Variants in DMXL1 observed in about 807,000 individuals in gnomAD.
DMXL1 encodes Dmx like 1.
A neutral mutation model predicts 319.2 loss-of-function variants in DMXL1; 99 were observed. The ratio of observed to expected loss-of-function variants is 0.31; its 90% CI spans 0.26 to 0.37. DMXL1 has a LOEUF of 0.37. Ranked by LOEUF, DMXL1 falls within the 10% of genes least tolerant of loss-of-function variation. The pLI, the probability that DMXL1 is intolerant of heterozygous loss-of-function variation, is 1.00. For synonymous variants in DMXL1, 1,385 were observed against 1,235.2 expected (o/e 1.12, Z -2.54); for missense variants, 3,745 against 3,595.6 (o/e 1.04, Z -1.06).
At chr5:119,210,752 C>CT (rs1782622185) in intron 34 of DMXL1, among the ~76,000 whole-genome samples, 1 of 90,312 alleles carries the variant, frequency 1.1e-5, no homozygotes. Flanking sequence ...TTTCTTTTTT[C>CT]TTTCGTTTTT....
chr5:119,170,925 C>G lies in DMXL1; in HGVS notation c.6134C>G (p.Ser2045Cys). The change falls in exon 24 of 44, where the codon TCT becomes TGT. Residue 2045 changes from serine to cysteine, a missense_variant. This residue lies in a region of DMXL1 where 1,382 missense variants were observed against 1,269.5 expected (regional missense o/e 1.09). Transcript: ENST00000539542. ...KILTVELRTL[S>C]TGYEIDGGKL... ...CTCACAGTAGAACTTCGTACTTTATCTACTGGCTATGAAATAGATGGTGGA... is the reference window on the plus strand; with the variant it reads ...CTCACAGTAGAACTTCGTACTTTATGTACTGGCTATGAAATAGATGGTGGA... The G allele has an allele frequency of 3.7e-6, 6 of 1,613,392 alleles. No homozygotes were observed. The highest frequency in any genetic ancestry group is 5.1e-6 in the Non-Finnish European group (6 of 1,179,828).
At position 119,149,217 on chromosome 5, in the gene DMXL1, G is replaced by T. The variant is rs772337438; in HGVS notation, c.3390G>T (p.Glu1130Asp). ...NKQDMYLSSKENITSNTKHLV... is the reference protein window; with the variant it reads ...NKQDMYLSSKDNITSNTKHLV... ...AAGACATGTATTTATCTAGTAAAGA[G>T]AATATCACATCAAACACAAAGCATT... The change falls in exon 18 of 44, where the codon GAG becomes GAT. Residue 1130 changes from glutamate (E) to aspartate (D), a missense_variant. Around this residue, in one of 4 missense-constraint regions of DMXL1, gnomAD observed 2,096 missense variants for 1,985.4 expected, o/e 1.06. Transcript: ENST00000539542. 3 of 1,613,902 alleles carry T rather than the reference G, an allele frequency of 1.9e-6. No homozygotes were observed. The highest frequency in any genetic ancestry group is 2.5e-6 in the Non-Finnish European group (3 of 1,179,888).
At chr5:119,231,528 CTG>C (rs1207918279) in intron 38 of DMXL1, among the ~76,000 whole-genome samples, 3 of 152,202 alleles carry the variant, frequency 2.0e-5, no homozygotes, top group African/African-American at 7.2e-5. Flanking sequence ...CAGGAGGTAA[CTG>C]TGCCTGGTTA....
At chr5:119,238,765 C>A in intron 40 of DMXL1, 1 of 401,802 alleles carries the variant, frequency 2.5e-6, no homozygotes, top group Non-Finnish European at 3.4e-6. Context: ...GAAGTAGAGG[C>A]AAAACAAATG....
chr5:119,224,010 TG>T (rs1785099800), intron 37 of DMXL1, among the ~76,000 whole-genome samples: 1 of 152,144 alleles, frequency 6.6e-6, no homozygotes, highest in African/African-American at 2.4e-5. Flanking sequence ...GGAGTATAAC[TG>T]CATCAATATA....
At chr5:119,216,838 C>T (rs1783781772) in intron 34 of DMXL1, 63 bp from the exon 35 acceptor site, 2 of 822,140 alleles carry the variant, frequency 2.4e-6, no homozygotes, top group Non-Finnish European at 4.1e-6. Flanking sequence ...GATAGATTGG[C>T]ATATATTATT....
intron 9 of DMXL1, 54 bp from the exon 10 acceptor site, chr5:119,129,157 G>A (rs752806416): frequency 1.7e-5 from 18 of 1,089,888 alleles, no homozygotes; most frequent in Admixed American, 7.4e-5. Flanking sequence ...AAACATGGAT[G>A]TTTCATATGC....
In DMXL1 at chr5:119,116,342, T is replaced by G. The variant is rs375485624; in HGVS notation, c.743+6T>G. 2.5e-6 allele frequency: 4 copies of G among 1,611,116 alleles called. No homozygotes were observed. The African/African-American group carries it at 5.3e-5, about 22-fold the overall frequency. On this transcript the variant is annotated splice_donor_region_variant and intron_variant, in intron 7 of 43. Transcript: ENST00000539542. Reference sequence around the variant, plus strand: ...ACAAGCAAATATATGCCTAGGTCAGTGGATTGGTCATTTCCCTCCACATAT... The same window carrying G: ...ACAAGCAAATATATGCCTAGGTCAGGGGATTGGTCATTTCCCTCCACATAT...
intron 13 of DMXL1, among the ~76,000 whole-genome samples, chr5:119,136,069 C>T (rs1269861734): frequency 5.9e-5 from 9 of 152,184 alleles, no homozygotes; most frequent in Non-Finnish European, 1.0e-4. Flanking sequence ...GATAGTGATA[C>T]GGACAATGAA....
chr5:119,152,563 G>T (rs1420117941), intron 19 of DMXL1, among the ~76,000 whole-genome samples: 4 of 152,144 alleles, frequency 2.6e-5, no homozygotes, highest in Non-Finnish European at 5.9e-5. Context: ...CTGTATTTCA[G>T]ATACTGTTAG....
At chr5:119,076,390 G>A (rs1433356539) in intron 1 of DMXL1, among the ~76,000 whole-genome samples, 1 of 152,000 alleles carries the variant, frequency 6.6e-6, no homozygotes, top group African/African-American at 2.4e-5. Flanking sequence ...TGGGAGGATG[G>A]GAAGGTGTTT....
At chr5:119,218,684 C>T (rs1385716138) in intron 35 of DMXL1, among the ~76,000 whole-genome samples, 1 of 152,118 alleles carries the variant, frequency 6.6e-6, no homozygotes. Context: ...TGGTCTCGAT[C>T]TCTTTACCTC....
chr5:119,173,672 A>ATGTATG, intron 25 of DMXL1, among the ~76,000 whole-genome samples: 1 of 110,222 alleles, frequency 9.1e-6, no homozygotes, highest in African/African-American at 2.9e-5. Flanking sequence ...AGTAGGATGT[A>ATGTATG]TGTGTGTGTG....
chr5:119,124,802 C>T (rs756878887), intron 9 of DMXL1, among the ~76,000 whole-genome samples: 6 of 152,098 alleles, frequency 3.9e-5, no homozygotes, highest in South Asian at 2.1e-4. Context: ...CTGACCTCCT[C>T]GTGATCTGCC....
chr5:119,198,972 C>T (rs1780170505), intron 32 of DMXL1, among the ~76,000 whole-genome samples: 1 of 152,114 alleles, frequency 6.6e-6, no homozygotes, highest in African/African-American at 2.4e-5. Flanking sequence ...CTGCAGCCTC[C>T]ACCTCCTAGG....
intron 19 of DMXL1, among the ~76,000 whole-genome samples, chr5:119,163,925 T>A (rs1442465325): frequency 6.6e-6 from 1 of 152,096 alleles, no homozygotes; most frequent in African/African-American, 2.4e-5. Context: ...TTGGCCAGAC[T>A]GGTCTCGAAC....
intron 9 of DMXL1, among the ~76,000 whole-genome samples, chr5:119,124,472 GA>G (rs1763039631): frequency 6.6e-6 from 1 of 151,810 alleles, no homozygotes; most frequent in East Asian, 1.9e-4. Flanking sequence ...GCTCATTAAA[GA>G]GGTTGATAGG....
intron 3 of DMXL1, chr5:119,104,145 G>A (rs1385321804): frequency 1.3e-5 from 2 of 152,096 alleles, no homozygotes; most frequent in Non-Finnish European, 2.9e-5. Flanking sequence ...GTGAGGTGGT[G>A]GTCTTCATGA....
intron 43 of DMXL1, 107 bp from the exon 44 acceptor site, chr5:119,246,888 C>G: frequency 1.3e-6 from 1 of 763,404 alleles, no homozygotes; most frequent in Non-Finnish European, 2.1e-6. Flanking sequence ...CTGCCTTGAC[C>G]TCCCAAAGTG....
Sources: allele counts gnomAD v4.1 joint callset (sites outside exome capture counted in the v4.1 genomes callset), GRCh38; gene constraint gnomAD v4.1.1; regional missense constraint gnomAD v4.1.1; transcripts MANE v1.5; gene names NCBI Gene and HGNC (gene_info 2026-07-23, HGNC 2026-07-21).